Variants in MAP4K3 observed in about 807,000 individuals in gnomAD.
MAP4K3 encodes the protein MAPK/ERK kinase kinase kinase 3.
MAP4K3 carries 94 observed loss-of-function variants against 143.5 expected under a neutral mutation model. The ratio of observed to expected loss-of-function variants is 0.65; its 90% confidence interval spans 0.55 to 0.78. MAP4K3 has a LOEUF of 0.78. Ranked by LOEUF, MAP4K3 falls within the 30% of genes least tolerant of loss-of-function variation. The probability of loss-of-function intolerance (pLI) is 0.00; values close to 1 mark genes in which losing one functional copy is unlikely to be tolerated. For synonymous variants in MAP4K3, 416 were observed against 347.2 expected (o/e 1.20, Z -2.20); for missense variants, 1,077 against 1,068.1 (o/e 1.01, Z -0.12).
At position 39,326,248 on chromosome 2, in the gene MAP4K3, C is replaced by G. The variant is rs1371450628; in HGVS notation, c.560G>C (p.Arg187Thr). 6.2e-7 allele frequency: 1 copy of G among 1,613,778 alleles called. No individual in the cohort carries two copies. Among genetic ancestry groups the G allele is most frequent in the Admixed American group, 1.7e-5 (1 of 59,986 alleles). The change falls in exon 9 of 34, where the codon AGG becomes ACG. Residue 187 changes from arginine (R) to threonine (T), a missense_variant. Arg to Thr is a moderately conservative substitution (Grantham distance 71, BLOSUM62 -1). Transcript: ENST00000263881. The stretch of plus-strand genomic sequence containing the variant: ...ACAGAGTTGATTGTAACCCCCCTTC[C>G]TCTCAACAGCTGCAACTTCTGGAGC... The part of the protein sequence containing the change: ...WMAPEVAAVE[R>T]KGGYNQLCDL...
At chr2:39,308,797 G>C (rs1281170928) in intron 14 of MAP4K3, among the ~76,000 whole-genome samples, 1 of 151,938 alleles carries the variant, frequency 6.6e-6, no homozygotes, top group Non-Finnish European at 1.5e-5. Flanking sequence ...TAAAGTTATA[G>C]CAAGCCTTAA....
intron 6 of MAP4K3, 76 bp from the exon 7 acceptor site, chr2:39,333,650 T>A (rs1362589154): frequency 1.3e-6 from 1 of 744,750 alleles, no homozygotes; most frequent in Non-Finnish European, 2.2e-6. Flanking sequence ...TAAATATACA[T>A]ATTTAAAATA....
intron 2 of MAP4K3, among the ~76,000 whole-genome samples, chr2:39,365,050 T>TC (rs1665882479): frequency 6.6e-6 from 1 of 151,952 alleles, no homozygotes; most frequent in South Asian, 2.1e-4. Flanking sequence ...AATACAGATT[T>TC]CCCCCACAAG....
At chr2:39,272,805 T>C (rs752384634) in intron 24 of MAP4K3, among the ~76,000 whole-genome samples, 2 of 152,212 alleles carry the variant, frequency 1.3e-5, no homozygotes, top group Admixed American at 1.3e-4. Flanking sequence ...TTAAGGGCTA[T>C]GTAACCCCAA....
At chr2:39,369,504 T>TTCC (rs1336438162) in intron 2 of MAP4K3, among the ~76,000 whole-genome samples, 4 of 152,142 alleles carry the variant, frequency 2.6e-5, no homozygotes, top group African/African-American at 7.2e-5. Flanking sequence ...CACTTCTTAT[T>TTCC]TCCCACCATG....
intron 32 of MAP4K3, among the ~76,000 whole-genome samples, chr2:39,252,508 A>G (rs997517900): frequency 6.6e-6 from 1 of 152,222 alleles, no homozygotes; most frequent in Non-Finnish European, 1.5e-5. Context: ...CTTCTTCCCC[A>G]TTCTCTTGAA....
chr2:39,382,500 T>G (rs1213568754), intron 1 of MAP4K3, among the ~76,000 whole-genome samples: 1 of 152,240 alleles, frequency 6.6e-6, no homozygotes. Flanking sequence ...CTGACCCCTC[T>G]GCCCACAATT....
chr2:39,335,623 A>G (rs185625605), intron 6 of MAP4K3, among the ~76,000 whole-genome samples: 28 of 152,186 alleles, frequency 1.8e-4, no homozygotes, highest in African/African-American at 6.5e-4. Context: ...ATGTACTCCA[A>G]CTTCCATTTC....
At chr2:39,359,231 G>C (rs1046092446) in intron 2 of MAP4K3, among the ~76,000 whole-genome samples, 3 of 152,068 alleles carry the variant, frequency 2.0e-5, no homozygotes, top group Admixed American at 2.0e-4. Context: ...AAATCCAACA[G>C]GATAGTCATT....
Position 39,437,102 on chromosome 2 carries a change from C to T in MAP4K3, c.-115G>A, listed in dbSNP as rs1345982135. The T allele has an allele frequency of 4.6e-6, 3 of 655,680 alleles. No homozygotes were observed. Among genetic ancestry groups the T allele is most frequent in the Non-Finnish European group, 7.1e-6 (3 of 419,956 alleles). 40.6% of individuals were successfully genotyped at this position (655,680 alleles called of 1,614,324 possible). ...TCCCGGCTCCCCCGGCGGTCACAAT[C>T]ACCCGGCTCCACGCTGCGGCCGCCG... On this transcript the variant is annotated 5_prime_UTR_variant, in exon 1 of 34. Transcript: ENST00000263881.
chr2:39,353,733 T>TAGC (rs1158198150), intron 3 of MAP4K3, among the ~76,000 whole-genome samples: 5 of 151,626 alleles, frequency 3.3e-5, no homozygotes, highest in Admixed American at 6.6e-5. Context: ...GAAGTAGTAG[T>TAGC]AGTAGCAGCA....
intron 1 of MAP4K3, among the ~76,000 whole-genome samples, chr2:39,415,980 A>AAAAATAT (rs1553318573): frequency 2.7e-4 from 4 of 14,750 alleles, no homozygotes; most frequent in African/African-American, 4.0e-4. Context: ...AAAAAAAAAA[A>AAAAATAT]ATATATATAT....
At chr2:39,279,771 G>C (rs1035465727) in intron 23 of MAP4K3, among the ~76,000 whole-genome samples, 1 of 151,990 alleles carries the variant, frequency 6.6e-6, no homozygotes, top group African/African-American at 2.4e-5. Flanking sequence ...AACACAGACA[G>C]CTCCCATCTC....
At chr2:39,298,898 G>A (rs1404537314) in intron 16 of MAP4K3, among the ~76,000 whole-genome samples, 1 of 151,076 alleles carries the variant, frequency 6.6e-6, no homozygotes, top group African/African-American at 2.4e-5. Context: ...CCGGGAGGCG[G>A]AGGTTGAAGT....
chr2:39,381,105 G>C (rs1666345550), intron 1 of MAP4K3, among the ~76,000 whole-genome samples: 1 of 152,076 alleles, frequency 6.6e-6, no homozygotes, highest in Admixed American at 6.6e-5. Context: ...CTTGCACTTG[G>C]TGTAATGCTT....
At chr2:39,335,455 C>G (rs1340679241) in intron 6 of MAP4K3, among the ~76,000 whole-genome samples, 1 of 152,178 alleles carries the variant, frequency 6.6e-6, no homozygotes, top group Non-Finnish European at 1.5e-5. Flanking sequence ...CACACAAGTC[C>G]TTGCATAATG....
chr2:39,312,389 T>C (rs1682971254), intron 13 of MAP4K3, among the ~76,000 whole-genome samples: 1 of 151,894 alleles, frequency 6.6e-6, no homozygotes, highest in Non-Finnish European at 1.5e-5. Flanking sequence ...ACATTTCAAC[T>C]AGTAAGAGCT....
chr2:39,293,433 A>G (rs1381287725), intron 16 of MAP4K3, among the ~76,000 whole-genome samples, 165 bp from the exon 17 acceptor site: 1 of 152,156 alleles, frequency 6.6e-6, no homozygotes, highest in Non-Finnish European at 1.5e-5. Context: ...TAAAACATCA[A>G]GTTATATTTA....
chr2:39,378,450 A>G (rs1240031487), intron 1 of MAP4K3, among the ~76,000 whole-genome samples: 2 of 152,176 alleles, frequency 1.3e-5, no homozygotes, highest in African/African-American at 2.4e-5. Context: ...TCATTTTGCA[A>G]GTGAGGAAAC....
Sources: allele counts gnomAD v4.1 joint callset (sites outside exome capture counted in the v4.1 genomes callset), GRCh38; gene constraint gnomAD v4.1.1; transcripts MANE v1.5; gene names NCBI Gene and HGNC (gene_info 2026-07-23, HGNC 2026-07-21).